Variants in SLC24A2 observed in about 807,000 individuals in gnomAD.
The protein encoded by SLC24A2 is sodium/potassium/calcium exchanger 2.
SLC24A2 carries 36 observed loss-of-function variants against 62.0 expected under a neutral mutation model. The observed-to-expected ratio is 0.58, with a 90% CI of 0.44 to 0.77. SLC24A2 has a LOEUF of 0.77. Ranked by LOEUF, SLC24A2 falls within the 30% of genes least tolerant of loss-of-function variation. The probability of loss-of-function intolerance (pLI) is 0.00; values close to 1 mark genes in which losing one functional copy is unlikely to be tolerated. For synonymous variants in SLC24A2, 358 were observed against 294.0 expected (o/e 1.22, Z -2.23); for missense variants, 846 against 817.9 (o/e 1.03, Z -0.42).
chr9:20,274,796 G>A, the SLC24A2 span, among the ~76,000 whole-genome samples: 2 of 152,036 alleles, frequency 1.3e-5, no homozygotes, highest in South Asian at 2.1e-4. Context: ...TCTTGGGGAT[G>A]AAGAAACTCT....
chr9:20,248,177 T>G, the SLC24A2 span, among the ~76,000 whole-genome samples: 5 of 152,306 alleles, frequency 3.3e-5, no homozygotes, highest in East Asian at 9.6e-4. Context: ...GCTGACTTTT[T>G]GGGAGGCAGC....
chr9:19,894,759 T>C, the SLC24A2 span, among the ~76,000 whole-genome samples: 2 of 152,318 alleles, frequency 1.3e-5, no homozygotes, highest in East Asian at 3.9e-4. Flanking sequence ...TCTCATCCCT[T>C]ACTTTCTTCT....
At chr9:19,924,641 C>T in the SLC24A2 span, among the ~76,000 whole-genome samples, 1 of 152,174 alleles carries the variant, frequency 6.6e-6, no homozygotes, top group Admixed American at 6.6e-5. Flanking sequence ...GATCCCATGT[C>T]TTATGGCTCA....
chr9:20,169,298 T>C, the SLC24A2 span, among the ~76,000 whole-genome samples: 1 of 152,072 alleles, frequency 6.6e-6, no homozygotes, highest in East Asian at 2.0e-4. Flanking sequence ...AAGTACTAGA[T>C]TGCAGCTCCC....
At chr9:20,093,854 G>C in the SLC24A2 span, among the ~76,000 whole-genome samples, 1 of 152,106 alleles carries the variant, frequency 6.6e-6, no homozygotes, top group African/African-American at 2.4e-5. Flanking sequence ...AATGCTTGAG[G>C]TGATGGATAC....
chr9:19,955,968 A>G, the SLC24A2 span, among the ~76,000 whole-genome samples: 1 of 152,232 alleles, frequency 6.6e-6, no homozygotes, highest in Non-Finnish European at 1.5e-5. Flanking sequence ...AAGAATAGGT[A>G]AGCCCAGTGT....
the SLC24A2 span, among the ~76,000 whole-genome samples, chr9:19,966,205 A>G: frequency 1.3e-5 from 2 of 152,188 alleles, no homozygotes; most frequent in African/African-American, 4.8e-5. Flanking sequence ...AATAAAAATC[A>G]AACAGGATAT....
chr9:19,710,276 C>T (rs955488395), intron 2 of SLC24A2, among the ~76,000 whole-genome samples: 1 of 152,126 alleles, frequency 6.6e-6, no homozygotes, highest in African/African-American at 2.4e-5. Flanking sequence ...AGACATGTTT[C>T]CTTACCTCAA....
the SLC24A2 span, among the ~76,000 whole-genome samples, chr9:19,995,499 G>A: frequency 6.6e-6 from 1 of 152,186 alleles, no homozygotes; most frequent in East Asian, 1.9e-4. Flanking sequence ...AATACCTGAG[G>A]ACCAGGGTCT....
At chr9:20,296,777 T>C in the SLC24A2 span, among the ~76,000 whole-genome samples, 1 of 152,338 alleles carries the variant, frequency 6.6e-6, no homozygotes, top group Admixed American at 6.5e-5. Flanking sequence ...ATCATAGTGG[T>C]ATGCATTTAT....
chr9:19,812,085 A>G, the SLC24A2 span, among the ~76,000 whole-genome samples: 2 of 152,140 alleles, frequency 1.3e-5, no homozygotes, highest in Non-Finnish European at 2.9e-5. Context: ...TCAATACACC[A>G]TCTCATTATT....
chr9:20,271,009 G>T, the SLC24A2 span, among the ~76,000 whole-genome samples: 3 of 152,034 alleles, frequency 2.0e-5, no homozygotes, highest in Admixed American at 2.0e-4. Flanking sequence ...CCCAGGTTGT[G>T]CTAGCCTCCT....
chr9:20,164,878 G>T, the SLC24A2 span, among the ~76,000 whole-genome samples: 5 of 150,372 alleles, frequency 3.3e-5, no homozygotes, highest in African/African-American at 1.2e-4. Context: ...GTAAACTATC[G>T]CAAGAACAAC....
chr9:19,969,264 T>C, the SLC24A2 span, among the ~76,000 whole-genome samples: 3 of 150,822 alleles, frequency 2.0e-5, no homozygotes, highest in African/African-American at 7.3e-5. Context: ...TTCATTCTTT[T>C]CCTTTTTCAT....
the SLC24A2 span, among the ~76,000 whole-genome samples, chr9:20,049,288 T>G: frequency 1.3e-5 from 2 of 152,222 alleles, no homozygotes; most frequent in Non-Finnish European, 2.9e-5. Flanking sequence ...TTTGAACACC[T>G]ATGAAAATGT....
chr9:19,683,630 C>A (rs1167845070), intron 2 of SLC24A2, among the ~76,000 whole-genome samples: 1 of 150,932 alleles, frequency 6.6e-6, no homozygotes, highest in Non-Finnish European at 1.5e-5. Flanking sequence ...ATATTTAGTT[C>A]ATTTTCCCAC....
the SLC24A2 span, among the ~76,000 whole-genome samples, chr9:19,859,168 A>G: frequency 6.6e-6 from 1 of 152,246 alleles, no homozygotes; most frequent in Non-Finnish European, 1.5e-5. Flanking sequence ...ATGCAGCCAT[A>G]TAAAAGAATG....
At chr9:20,188,296 C>T in the SLC24A2 span, among the ~76,000 whole-genome samples, 1 of 152,238 alleles carries the variant, frequency 6.6e-6, no homozygotes, top group East Asian at 1.9e-4. Flanking sequence ...ATGAGGTTTC[C>T]TTAGCTCACT....
the SLC24A2 span, among the ~76,000 whole-genome samples, chr9:20,157,683 A>G: frequency 5.3e-3 from 800 of 151,754 alleles, 5 homozygotes; most frequent in Non-Finnish European, 9.5e-3. Flanking sequence ...TGGAGAATCA[A>G]ATACAGAAAA....
Sources: allele counts gnomAD v4.1 joint callset (sites outside exome capture counted in the v4.1 genomes callset), GRCh38; gene constraint gnomAD v4.1.1; transcripts MANE v1.5; gene names NCBI Gene and HGNC (gene_info 2026-07-23, HGNC 2026-07-21).